Variants in PRUNE2 observed in about 807,000 individuals in gnomAD.
PRUNE2 encodes prune homolog 2 with BCH domain.
A neutral mutation model predicts 252.0 loss-of-function variants in PRUNE2; 164 were observed. That is an observed-to-expected ratio of 0.65 (90% CI 0.57 to 0.74). The LOEUF is 0.74. PRUNE2 is among the 30% of genes least tolerant of loss of function. The probability of loss-of-function intolerance (pLI) is 0.00; values close to 1 mark genes in which losing one functional copy is unlikely to be tolerated. For synonymous variants in PRUNE2, 1,292 were observed against 1,350.2 expected, an observed-to-expected ratio of 0.96 and a Z score of 0.94; for missense variants, 3,495 against 3,711.0, an observed-to-expected ratio of 0.94 and a Z score of 1.51.
chr9:76,788,324 T>TACC, intron 6 of PRUNE2: 1 of 665,706 alleles, frequency 1.5e-6, no homozygotes, highest in South Asian at 1.8e-5. Context: ...TGGCTAGAGT[T>TACC]ACCACAAGTA....
intron 1 of PRUNE2, among the ~76,000 whole-genome samples, chr9:76,856,935 G>T (rs1464477606): frequency 6.6e-6 from 1 of 152,006 alleles, no homozygotes; most frequent in African/African-American, 2.4e-5. Context: ...TGTATTTTTA[G>T]TAGAGACGGA....
intron 6 of PRUNE2, among the ~76,000 whole-genome samples, chr9:76,801,327 A>G (rs1304127135): frequency 6.6e-6 from 1 of 152,240 alleles, no homozygotes; most frequent in Non-Finnish European, 1.5e-5. Context: ...TATTTATACC[A>G]TAGTCTATGT....
At chr9:76,719,389 C>T (rs542418405) in intron 6 of PRUNE2, among the ~76,000 whole-genome samples, 1 of 152,238 alleles carries the variant, frequency 6.6e-6, no homozygotes, top group African/African-American at 2.4e-5. Flanking sequence ...TAGATCTGAA[C>T]TCATTAATCA....
At chr9:76,639,830 C>T (rs191884183) in intron 12 of PRUNE2, among the ~76,000 whole-genome samples, 7 of 152,266 alleles carry the variant, frequency 4.6e-5, no homozygotes, top group African/African-American at 1.4e-4. Flanking sequence ...CATTGAAACT[C>T]CGGGGGTCAA....
At position 76,823,706 on chromosome 9, in the gene PRUNE2, TTGTC is replaced by T; in HGVS notation, c.678_681del (p.Thr227CysfsTer2). ...GACAGCTCCTTTAGATCTTTCAACA[TTGTC>T]TGTTCAATACTTAAACCTGTGGATG... On this transcript the variant is annotated frameshift_variant, in exon 6 of 19. Coordinates refer to ENST00000376718, the MANE Select transcript of PRUNE2 (RefSeq NM_015225.3). LOFTEE classifies it high-confidence loss of function. 6.2e-7 allele frequency: 1 copy of T among 1,609,268 alleles called. No homozygotes were observed. Among genetic ancestry groups the T allele is most frequent in the Non-Finnish European group, 8.5e-7 (1 of 1,175,768 alleles).
At position 76,655,510 on chromosome 9, in the gene PRUNE2, A is replaced by C. The variant is rs142219686; in HGVS notation, c.8277-8T>G. ...ACATCCTCTGACAGTAGTCTGCAAA[A>C]AAAGCAAAGCAAAGCGCGTCAACAA... On this transcript the variant is annotated splice_polypyrimidine_tract_variant and splice_region_variant and intron_variant, in intron 9 of 18. Transcript: ENST00000376718. 2,229 of 1,609,918 alleles carry C rather than the reference A, an allele frequency of 1.4e-3. 32 individuals are homozygous for C. The African/African-American group carries it at 0.025, about 18-fold the overall frequency.
chr9:76,836,102 C>T (rs1271172304), intron 4 of PRUNE2, among the ~76,000 whole-genome samples: 1 of 152,048 alleles, frequency 6.6e-6, no homozygotes, highest in East Asian at 1.9e-4. Context: ...TTCCCAGAAA[C>T]ACACACGCAC....
chr9:76,616,332 G>C (rs1484861734), intron 18 of PRUNE2, among the ~76,000 whole-genome samples: 1 of 152,224 alleles, frequency 6.6e-6, no homozygotes, highest in Non-Finnish European at 1.5e-5. Flanking sequence ...CCTGTTCCCG[G>C]AAATCTGTAG....
At chr9:76,871,813 G>T (rs1458338193) in intron 1 of PRUNE2, among the ~76,000 whole-genome samples, 1 of 152,112 alleles carries the variant, frequency 6.6e-6, no homozygotes, top group Non-Finnish European at 1.5e-5. Flanking sequence ...ATTTTTAGTA[G>T]AGATGGGGTT....
At chr9:76,715,513 G>C (rs2135119328) in intron 6 of PRUNE2, among the ~76,000 whole-genome samples, 1 of 152,280 alleles carries the variant, frequency 6.6e-6, no homozygotes, top group Non-Finnish European at 1.5e-5. Flanking sequence ...ATCCACAAAG[G>C]TCTCAGGATC....
At chr9:76,831,539 G>A (rs1007340402) in intron 4 of PRUNE2, among the ~76,000 whole-genome samples, 4 of 151,986 alleles carry the variant, frequency 2.6e-5, no homozygotes, top group Non-Finnish European at 5.9e-5. Flanking sequence ...GTAACAAACT[G>A]AGGAGAGGCT....
chr9:76,778,108 G>A (rs2053996941), intron 6 of PRUNE2, among the ~76,000 whole-genome samples: 1 of 152,180 alleles, frequency 6.6e-6, no homozygotes, highest in African/African-American at 2.4e-5. Context: ...AAATACCAAT[G>A]ACTGGGTCCC....
chr9:76,793,920 G>A (rs62565631), intron 6 of PRUNE2, among the ~76,000 whole-genome samples: 26,254 of 151,928 alleles, frequency 0.17, 2,592 homozygotes, highest in Non-Finnish European at 0.22. Context: ...TATTTCTTCC[G>A]GCCTGCTTTT....
intron 1 of PRUNE2, among the ~76,000 whole-genome samples, chr9:76,892,068 C>CCT (rs749769958): frequency 6.6e-6 from 1 of 151,992 alleles, no homozygotes; most frequent in Admixed American, 6.6e-5. Context: ...AAGTAGCCCC[C>CCT]CCAGCCAGAT....
chr9:76,826,366 T>C (rs2058345154), intron 5 of PRUNE2, among the ~76,000 whole-genome samples: 1 of 152,166 alleles, frequency 6.6e-6, no homozygotes, highest in African/African-American at 2.4e-5. Context: ...TCCCAGCTAC[T>C]TGGGAGACAG....
intron 7 of PRUNE2, among the ~76,000 whole-genome samples, chr9:76,713,142 T>C (rs1269149693): frequency 2.0e-5 from 3 of 152,110 alleles, no homozygotes; most frequent in African/African-American, 7.2e-5. Context: ...GGATAACTGA[T>C]TACCTAGTCA....
rs776401315 is a variant in PRUNE2 at position 76,637,484 on chromosome 9, G to T, written c.8897C>A (p.Ala2966Glu). 1.2e-6 allele frequency: 2 copies of T among 1,613,214 alleles called. No homozygotes were observed. The highest frequency in any genetic ancestry group is 2.2e-5 in the South Asian group (2 of 91,066). The stretch of plus-strand genomic sequence containing the variant: ...CCCTGGCATCCTCCTTCTTGGGGTT[G>T]CACCATTCAAGTACACAATCATATA... The part of the protein sequence containing the change: ...EDYMIVYLNG[A>E]TPRRRMPGLG... Residue 2966 changes from alanine (A) to glutamate (E), a missense_variant, in exon 14 of 19, where the codon GCA (alanine) becomes GAA (glutamate). By Grantham distance (107) the Ala-to-Glu change is moderately radical. Transcript: ENST00000376718.
chr9:76,834,681 T>C (rs892116864), intron 4 of PRUNE2, among the ~76,000 whole-genome samples: 1 of 152,198 alleles, frequency 6.6e-6, no homozygotes. Context: ...TTAAGTTTGA[T>C]ATGACTATTA....
Position 76,837,773 on chromosome 9 carries a change from ATT to A in PRUNE2, c.508+8740_508+8741del, listed in dbSNP as rs72342125. ...TATCCAAAGTTTCAAACCAAATACT[ATT>A]TTTTTTTTTTTTTTGAGACGGAGTC... On this transcript the variant is annotated intron_variant, in intron 4 of 18. Coordinates refer to ENST00000376718, the MANE Select transcript of PRUNE2 (RefSeq NM_015225.3). Among the ~76,000 whole-genome samples, 470 of 138,342 alleles carry A rather than the reference ATT, an allele frequency of 3.4e-3. 2 individuals carry two copies. The highest frequency in any genetic ancestry group is 0.011 in the African/African-American group (401 of 36,728). The allele number at this position is 138,342 out of a possible 152,430, so 90.8% of individuals were successfully genotyped here. A position where few individuals can be genotyped will look rare whatever the true frequency, so the allele number is the denominator to read the frequency against.
Sources: allele counts gnomAD v4.1 joint callset (sites outside exome capture counted in the v4.1 genomes callset), GRCh38; gene constraint gnomAD v4.1.1; transcripts MANE v1.5; gene names NCBI Gene and HGNC (gene_info 2026-07-23, HGNC 2026-07-21).